Variants in LINGO2 observed in about 807,000 individuals in gnomAD.
LINGO2 encodes leucine-rich repeat and immunoglobulin-like domain-containing nogo receptor-interacting protein 2.
Under a neutral mutation model 30.6 loss-of-function variants are expected in LINGO2, and 14 were observed. That is an observed-to-expected ratio of 0.46 (90% CI 0.30 to 0.72). LINGO2 has a LOEUF of 0.72. Ranked by LOEUF, LINGO2 falls within the 30% of genes least tolerant of loss-of-function variation. The pLI is 0.07. For synonymous variants in LINGO2, 317 were observed against 288.5 expected (o/e 1.10, Z -1.00); for missense variants, 729 against 751.7 (o/e 0.97, Z 0.35).
chr9:28,094,150 A>C (rs1051859787), intron 4 of LINGO2, among the ~76,000 whole-genome samples: 2 of 152,128 alleles, frequency 1.3e-5, no homozygotes, highest in Non-Finnish European at 2.9e-5. Flanking sequence ...AAAATGTGGT[A>C]TAATGAGGGT....
the LINGO2 span, among the ~76,000 whole-genome samples, chr9:28,814,245 T>C: frequency 6.6e-6 from 1 of 152,186 alleles, no homozygotes; most frequent in African/African-American, 2.4e-5. Context: ...GAGACCATCC[T>C]GGCCAACATG....
At chr9:28,446,227 G>T (rs1004602726) in intron 2 of LINGO2, among the ~76,000 whole-genome samples, 1 of 152,140 alleles carries the variant, frequency 6.6e-6, no homozygotes, top group Non-Finnish European at 1.5e-5. Context: ...TCTCTGAAGA[G>T]TCATCAAAGC....
chr9:28,482,802 C>A (rs1008940627), intron 1 of LINGO2, among the ~76,000 whole-genome samples: 3 of 152,036 alleles, frequency 2.0e-5, no homozygotes, highest in Non-Finnish European at 4.4e-5. Context: ...ATGTAGAAAG[C>A]TGAAACTGGA....
At chr9:29,184,030 C>T in the LINGO2 span, among the ~76,000 whole-genome samples, 1 of 151,882 alleles carries the variant, frequency 6.6e-6, no homozygotes, top group African/African-American at 2.4e-5. Context: ...AAGAAGATTG[C>T]AGTGAAGGAA....
rs536794908 is a variant in LINGO2 at position 27,950,214 on chromosome 9, T to C, written c.458A>G (p.His153Arg). 6.5e-5 allele frequency: 105 copies of C among 1,614,062 alleles called. 1 individual carries two copies. The East Asian group carries it at 1.5e-3, about 24-fold the overall frequency. ...CCCCACTTCTAGAGACTTCAGGTTA[T>C]GTAGATCTTGGAACATGTAGTCTAG... The change falls in exon 6 of 6, where the codon CAT (histidine) becomes CGT (arginine). Residue 153 changes from histidine to arginine, a missense_variant. Coordinates refer to ENST00000379992, the Ensembl canonical transcript of LINGO2.
chr9:29,172,480 G>C, the LINGO2 span, among the ~76,000 whole-genome samples: 1 of 151,908 alleles, frequency 6.6e-6, no homozygotes, highest in Non-Finnish European at 1.5e-5. Context: ...TCTGGATTCA[G>C]AAAGCACTGT....
At chr9:28,922,981 A>G in the LINGO2 span, among the ~76,000 whole-genome samples, 137 of 152,290 alleles carry the variant, frequency 9.0e-4, no homozygotes, top group African/African-American at 2.5e-3. Context: ...AGATGAATAC[A>G]ACGCAAGGAT....
chr9:28,991,199 C>A, the LINGO2 span, among the ~76,000 whole-genome samples: 1 of 151,744 alleles, frequency 6.6e-6, no homozygotes, highest in Admixed American at 6.6e-5. Context: ...AGCCATGGCT[C>A]GAGAACTACG....
the LINGO2 span, among the ~76,000 whole-genome samples, chr9:28,830,226 C>T: frequency 1.3e-5 from 2 of 152,120 alleles, no homozygotes; most frequent in Non-Finnish European, 2.9e-5. Context: ...AAAATGCTTG[C>T]TTCTTGGGCT....
intron 2 of LINGO2, among the ~76,000 whole-genome samples, chr9:28,406,895 C>T (rs1822537151): frequency 6.6e-6 from 1 of 152,086 alleles, no homozygotes; most frequent in Non-Finnish European, 1.5e-5. Context: ...TGATACTTGG[C>T]TTTTAGAGTT....
At chr9:28,251,137 T>C (rs375197265) in intron 4 of LINGO2, among the ~76,000 whole-genome samples, 24 of 152,322 alleles carry the variant, frequency 1.6e-4, no homozygotes, top group African/African-American at 5.3e-4. Context: ...ACATTTACTT[T>C]AGAAAACCTC....
intron 4 of LINGO2, among the ~76,000 whole-genome samples, chr9:28,038,497 T>A (rs1300080235): frequency 6.6e-6 from 1 of 151,926 alleles, no homozygotes; most frequent in Non-Finnish European, 1.5e-5. Flanking sequence ...ATCGAGACCA[T>A]CCCGGCTAAA....
the LINGO2 span, among the ~76,000 whole-genome samples, chr9:28,954,466 G>T: frequency 2.0e-5 from 3 of 152,014 alleles, no homozygotes; most frequent in African/African-American, 7.2e-5. Flanking sequence ...TAAGTGACCT[G>T]CCATTTTGTT....
At chr9:28,502,721 ACT>A (rs776835733) in intron 1 of LINGO2, among the ~76,000 whole-genome samples, 18 of 152,094 alleles carry the variant, frequency 1.2e-4, no homozygotes, top group Admixed American at 3.3e-4. Flanking sequence ...GAATAATGCC[ACT>A]CAGCTCTAGA....
the LINGO2 span, among the ~76,000 whole-genome samples, chr9:28,759,746 G>T: frequency 1.8e-4 from 28 of 151,850 alleles, no homozygotes; most frequent in Admixed American, 1.3e-4. Flanking sequence ...AAATTAACTT[G>T]ATGAAAATAG....
intron 4 of LINGO2, among the ~76,000 whole-genome samples, chr9:28,117,197 G>T (rs1407408964): frequency 2.0e-5 from 3 of 151,870 alleles, no homozygotes; most frequent in South Asian, 2.1e-4. Flanking sequence ...GCCCCTGGTG[G>T]GGGGTGCCTC....
At chr9:28,591,357 T>C (rs960293498) in intron 1 of LINGO2, among the ~76,000 whole-genome samples, 1 of 151,954 alleles carries the variant, frequency 6.6e-6, no homozygotes, top group Non-Finnish European at 1.5e-5. Context: ...CCTGTTCTGC[T>C]TACTTGCAGT....
chr9:28,377,322 TTTAC>T (rs1261241371), intron 2 of LINGO2, among the ~76,000 whole-genome samples: 1 of 152,200 alleles, frequency 6.6e-6, no homozygotes, highest in Non-Finnish European at 1.5e-5. Context: ...ATGGTCCAGT[TTTAC>T]TTAGAGTAAA....
chr9:27,971,421 G>A (rs1820349941), intron 5 of LINGO2, among the ~76,000 whole-genome samples: 1 of 151,984 alleles, frequency 6.6e-6, no homozygotes, highest in South Asian at 2.1e-4. Context: ...CTGCTCCATC[G>A]CCCAGGCTGG....
Sources: allele counts gnomAD v4.1 joint callset (sites outside exome capture counted in the v4.1 genomes callset), GRCh38; gene constraint gnomAD v4.1.1; transcripts MANE v1.5; gene names NCBI Gene and HGNC (gene_info 2026-07-23, HGNC 2026-07-21).